The following MAPK10 variants were observed in gnomAD, a reference collection of about 807,000 sequenced individuals.
MAPK10 encodes the protein mitogen-activated protein kinase 10, also known as JNK3 alpha protein kinase.
In MAPK10, 25 loss-of-function variants were observed where a neutral mutation model predicts 59.3. The ratio of observed to expected loss-of-function variants is 0.42; its 90% CI spans 0.31 to 0.59. The LOEUF is 0.59. Ranked by LOEUF, MAPK10 falls within the 20% of genes least tolerant of loss-of-function variation. The pLI is 0.15. For synonymous variants in MAPK10, 190 were observed against 200.5 expected (o/e 0.95, Z 0.44); for missense variants, 351 against 568.9 (o/e 0.62, Z 3.90).
Position 86,214,262 on chromosome 4 carries a change from C to G in MAPK10, c.-6-19855G>C, listed in dbSNP as rs1257015443. Among the ~76,000 whole-genome samples the G allele has an allele frequency of 2.0e-5, 3 of 151,742 alleles. No individual in the cohort carries two copies. The South Asian group carries it at 6.2e-4, about 32-fold the overall frequency. ...CACAATAAGAACCATATATGAAAAA[C>G]TCATCGTGAACATCATACTCAATTG... On this transcript the variant is annotated intron_variant, in intron 2 of 13. Transcript: ENST00000641462.
At chr4:86,026,066 G>A (rs1344094074) in intron 13 of MAPK10, among the ~76,000 whole-genome samples, 1 of 152,186 alleles carries the variant, frequency 6.6e-6, no homozygotes, top group Admixed American at 6.5e-5. Context: ...GGGGAATGTG[G>A]TCCTCACTGG....
intron 2 of MAPK10, among the ~76,000 whole-genome samples, chr4:86,232,210 A>G (rs1263683635): frequency 6.6e-6 from 1 of 152,206 alleles, no homozygotes; most frequent in African/African-American, 2.4e-5. Flanking sequence ...TTTGACCCAT[A>G]TAGTTTGCTG....
At chr4:86,263,506 G>T (rs945139564) in intron 2 of MAPK10, among the ~76,000 whole-genome samples, 1 of 152,090 alleles carries the variant, frequency 6.6e-6, no homozygotes, top group Non-Finnish European at 1.5e-5. Flanking sequence ...CCTCCAACAA[G>T]ACCTTGCTTT....
At chr4:86,501,258 C>A (rs915674603) in intron 1 of MAPK10, among the ~76,000 whole-genome samples, 16 of 151,704 alleles carry the variant, frequency 1.1e-4, no homozygotes, top group African/African-American at 3.9e-4. Context: ...TTGAGTTTCT[C>A]TGTGCCCTAT....
At chr4:86,493,437 A>AGATCCTTTTCTT (rs1754634205) in intron 1 of MAPK10, among the ~76,000 whole-genome samples, 1 of 152,182 alleles carries the variant, frequency 6.6e-6, no homozygotes, top group African/African-American at 2.4e-5. Flanking sequence ...TAGTTATTCT[A>AGATCCTTTTCTT]GATCCTTTTC....
intron 4 of MAPK10, 138 bp downstream of exon 4, chr4:86,159,160 T>C (rs1350208700): frequency 1.4e-5 from 8 of 577,756 alleles, no homozygotes; most frequent in African/African-American, 1.3e-4. Flanking sequence ...TAATGTTATT[T>C]TTTTTTCTTC....
chr4:86,223,511 C>T (rs1380247456), intron 2 of MAPK10, among the ~76,000 whole-genome samples: 2 of 152,186 alleles, frequency 1.3e-5, no homozygotes, highest in Non-Finnish European at 2.9e-5. Flanking sequence ...ACTCCACATA[C>T]CCACTTGCAC....
chr4:86,378,972 G>A (rs2148999413), intron 1 of MAPK10, among the ~76,000 whole-genome samples: 1 of 152,316 alleles, frequency 6.6e-6, no homozygotes, highest in Non-Finnish European at 1.5e-5. Flanking sequence ...CCATAAGGAA[G>A]TGGCGGCATA....
intron 1 of MAPK10, among the ~76,000 whole-genome samples, chr4:86,388,227 T>A (rs1315547599): frequency 1.3e-5 from 2 of 151,826 alleles, no homozygotes; most frequent in African/African-American, 4.8e-5. Context: ...AGAGAGAGAA[T>A]ATATATAAAA....
At chr4:86,484,301 G>A (rs1477699055) in intron 1 of MAPK10, among the ~76,000 whole-genome samples, 1 of 152,076 alleles carries the variant, frequency 6.6e-6, no homozygotes, top group Non-Finnish European at 1.5e-5. Context: ...ACAAGCAAGT[G>A]TTATTATCCT....
chr4:86,284,048 G>A (rs1200085389), intron 2 of MAPK10, among the ~76,000 whole-genome samples: 1 of 152,106 alleles, frequency 6.6e-6, no homozygotes, highest in African/African-American at 2.4e-5. Context: ...ATTTGAGCAT[G>A]AATCCTCCTC....
chr4:86,184,642 A>G (rs1410931458), intron 3 of MAPK10, among the ~76,000 whole-genome samples: 1 of 152,054 alleles, frequency 6.6e-6, no homozygotes, highest in Non-Finnish European at 1.5e-5. Flanking sequence ...CACTACAGTG[A>G]GTGAGTTCTT....
chr4:86,255,709 G>C (rs1398374293), intron 2 of MAPK10, among the ~76,000 whole-genome samples: 1 of 152,004 alleles, frequency 6.6e-6, no homozygotes, highest in Non-Finnish European at 1.5e-5. Flanking sequence ...ATTTTTCTGG[G>C]GGATGGGGTG....
chr4:86,421,430 T>G (rs1330910966), intron 1 of MAPK10, among the ~76,000 whole-genome samples: 1 of 152,198 alleles, frequency 6.6e-6, no homozygotes, highest in Non-Finnish European at 1.5e-5. Context: ...TTGAGACGGT[T>G]GATTTTACAC....
intron 2 of MAPK10, among the ~76,000 whole-genome samples, chr4:86,229,239 C>T (rs1043938295): frequency 1.3e-5 from 2 of 152,084 alleles, no homozygotes; most frequent in Non-Finnish European, 2.9e-5. Flanking sequence ...CAATCATGTA[C>T]TATTAAAATA....
At chr4:86,424,412 A>G (rs1054518791) in intron 1 of MAPK10, among the ~76,000 whole-genome samples, 2 of 150,956 alleles carry the variant, frequency 1.3e-5, no homozygotes, top group African/African-American at 4.9e-5. Context: ...CTGGTCTTGA[A>G]CTCCTGACCT....
intron 1 of MAPK10, among the ~76,000 whole-genome samples, chr4:86,581,899 T>TTATATATATA (rs67303972): frequency 3.3e-5 from 3 of 91,584 alleles, no homozygotes; most frequent in Admixed American, 1.2e-4. Flanking sequence ...GCTATATATA[T>TTATATATATA]TATATATATA....
chr4:86,478,097 AAAC>A (rs1022880244), intron 1 of MAPK10, among the ~76,000 whole-genome samples: 3 of 152,132 alleles, frequency 2.0e-5, no homozygotes, highest in Non-Finnish European at 4.4e-5. Flanking sequence ...ACCTTCTACA[AAAC>A]AACAACTCCT....
intron 1 of MAPK10, among the ~76,000 whole-genome samples, chr4:86,403,742 TACTC>T (rs1399261689): frequency 1.4e-4 from 21 of 152,208 alleles, no homozygotes; most frequent in African/African-American, 4.3e-4. Context: ...GATCTCGTGA[TACTC>T]ACTCACTATC....
Sources: allele counts gnomAD v4.1 joint callset (sites outside exome capture counted in the v4.1 genomes callset), GRCh38; gene constraint gnomAD v4.1.1; transcripts MANE v1.5; gene names NCBI Gene and HGNC (gene_info 2026-07-23, HGNC 2026-07-21).